Variants in PID1 observed in about 807,000 individuals in gnomAD.
PID1 encodes phosphotyrosine interaction domain containing 1.
PID1 carries 10 observed loss-of-function variants against 19.1 expected under a neutral mutation model. The observed-to-expected ratio is 0.52, with a 90% confidence interval of 0.32 to 0.89. The LOEUF is 0.89. PID1 is among the 40% of genes least tolerant of loss of function. The pLI is 0.03. For synonymous variants in PID1, 130 were observed against 116.0 expected (o/e 1.12, Z -0.78); for missense variants, 248 against 285.3 (o/e 0.87, Z 0.94).
At chr2:229,083,828 A>G (rs1352231546) in intron 2 of PID1, among the ~76,000 whole-genome samples, 2 of 152,342 alleles carry the variant, frequency 1.3e-5, no homozygotes, top group Non-Finnish European at 2.9e-5. Flanking sequence ...GCAATAGCTC[A>G]AAACAGCCAA....
chr2:229,025,252 T>G lies in PID1; in HGVS notation c.*380A>C. On this transcript the variant is annotated 3_prime_UTR_variant, in exon 3 of 3. Transcript: ENST00000392055. ...AGAGATCCCATAGGTGCCCCTAACA[T>G]TCTTGTGGAATTTCATAAGGCAGAT... 4.9e-6 allele frequency: 1 copy of G among 202,694 alleles called. No individual in the cohort carries two copies. Among genetic ancestry groups the G allele is most frequent in the Non-Finnish European group, 1.0e-5 (1 of 97,332 alleles). 12.6% of individuals were successfully genotyped at this position (202,694 alleles called of 1,614,324 possible).
At chr2:229,031,462 A>G (rs1040480912) in intron 2 of PID1, among the ~76,000 whole-genome samples, 1 of 151,872 alleles carries the variant, frequency 6.6e-6, no homozygotes, top group Non-Finnish European at 1.5e-5. Context: ...GAGGCTGAGC[A>G]GGAGAACTGC....
chr2:229,223,988 A>T (rs1692026674), intron 1 of PID1, among the ~76,000 whole-genome samples: 1 of 152,070 alleles, frequency 6.6e-6, no homozygotes, highest in Non-Finnish European at 1.5e-5. Context: ...TTATGTCCAT[A>T]TGTACCCATT....
intron 1 of PID1, among the ~76,000 whole-genome samples, chr2:229,218,550 G>A (rs1691899355): frequency 1.3e-5 from 2 of 152,164 alleles, no homozygotes; most frequent in Non-Finnish European, 2.9e-5. Flanking sequence ...ATTACCTGGA[G>A]GATAGAAATG....
chr2:229,229,287 C>T (rs1214969715), intron 1 of PID1, among the ~76,000 whole-genome samples: 2 of 152,156 alleles, frequency 1.3e-5, no homozygotes, highest in Admixed American at 1.3e-4. Context: ...GCTACTGTGG[C>T]CTCCCAAACT....
At chr2:229,084,389 A>C (rs1291514535) in intron 2 of PID1, among the ~76,000 whole-genome samples, 3 of 152,200 alleles carry the variant, frequency 2.0e-5, no homozygotes, top group Admixed American at 1.3e-4. Flanking sequence ...CCTTATGCCA[A>C]TAAGTGGCAG....
At chr2:229,129,288 C>A (rs1689662694) in intron 2 of PID1, among the ~76,000 whole-genome samples, 2 of 152,194 alleles carry the variant, frequency 1.3e-5, no homozygotes, top group Admixed American at 1.3e-4. Context: ...GTGGCGGGCG[C>A]CTGTAGTCCC....
chr2:229,036,166 A>G (rs192521561), intron 2 of PID1, among the ~76,000 whole-genome samples: 2 of 152,242 alleles, frequency 1.3e-5, no homozygotes, highest in Non-Finnish European at 1.5e-5. Context: ...GCCCAACACT[A>G]TGGTGGGTAG....
chr2:229,250,594 G>A (rs1214908765), intron 1 of PID1, among the ~76,000 whole-genome samples: 1 of 152,194 alleles, frequency 6.6e-6, no homozygotes, highest in Non-Finnish European at 1.5e-5. Context: ...GTATGATGCT[G>A]CCAATTTTCT....
At chr2:229,182,981 G>A (rs1172677321) in intron 1 of PID1, among the ~76,000 whole-genome samples, 4 of 152,160 alleles carry the variant, frequency 2.6e-5, no homozygotes, top group Admixed American at 2.6e-4. Context: ...TCCCGCTATA[G>A]GTTGAACTAT....
intron 2 of PID1, among the ~76,000 whole-genome samples, chr2:229,112,727 C>T (rs909544059): frequency 3.9e-5 from 6 of 152,106 alleles, no homozygotes; most frequent in Admixed American, 1.3e-4. Flanking sequence ...TCAGGCAATC[C>T]GCCTGCCTTG....
intron 1 of PID1, among the ~76,000 whole-genome samples, chr2:229,202,310 G>T (rs1366753452): frequency 1.3e-5 from 2 of 152,008 alleles, no homozygotes; most frequent in Admixed American, 1.3e-4. Context: ...TCCAGGGCGG[G>T]CATCGATTTG....
intron 2 of PID1, among the ~76,000 whole-genome samples, chr2:229,048,628 C>A (rs150247368): frequency 6.6e-6 from 1 of 152,156 alleles, no homozygotes. Flanking sequence ...TAGGCTGCAG[C>A]TCTGGTGGGG....
chr2:229,180,866 G>C (rs1309082511), intron 1 of PID1, among the ~76,000 whole-genome samples: 5 of 152,172 alleles, frequency 3.3e-5, no homozygotes, highest in Non-Finnish European at 7.3e-5. Context: ...CCTTCGGAAC[G>C]GCGCTCGCCC....
At chr2:229,130,242 C>T (rs551895578) in intron 2 of PID1, among the ~76,000 whole-genome samples, 67 of 152,290 alleles carry the variant, frequency 4.4e-4, no homozygotes, top group African/African-American at 1.4e-3. Context: ...CAGCCCTCAG[C>T]CCACCTGGAA....
chr2:229,058,568 CTTGAGTATATATT>C (rs1694149643), intron 2 of PID1, among the ~76,000 whole-genome samples: 1 of 152,148 alleles, frequency 6.6e-6, no homozygotes, highest in South Asian at 2.1e-4. Context: ...CAGCAGTTCT[CTTGAGTATATATT>C]TTGAAACTAC....
intron 1 of PID1, among the ~76,000 whole-genome samples, chr2:229,237,186 A>G (rs539163596): frequency 3.3e-5 from 5 of 152,182 alleles, no homozygotes; most frequent in Admixed American, 2.6e-4. Context: ...CATCCAGAGA[A>G]TAACAATAGA....
intron 2 of PID1, among the ~76,000 whole-genome samples, chr2:229,132,328 G>C (rs1013206228): frequency 3.3e-5 from 5 of 152,140 alleles, no homozygotes; most frequent in Middle Eastern, 3.2e-3. Flanking sequence ...GTACTTACAG[G>C]ATGGGCTATC....
chr2:229,047,371 T>C (rs1013102401), intron 2 of PID1, among the ~76,000 whole-genome samples: 2 of 152,166 alleles, frequency 1.3e-5, no homozygotes, highest in Non-Finnish European at 1.5e-5. Flanking sequence ...CAGGTATAGA[T>C]GGTCTTTTGG....
Sources: allele counts gnomAD v4.1 joint callset (sites outside exome capture counted in the v4.1 genomes callset), GRCh38; gene constraint gnomAD v4.1.1; transcripts MANE v1.5; gene names NCBI Gene and HGNC (gene_info 2026-07-23, HGNC 2026-07-21).